Variants in ZPBP observed in about 807,000 individuals in gnomAD.
ZPBP encodes the protein zona pellucida-binding protein 1.
Under a neutral mutation model 44.8 loss-of-function variants are expected in ZPBP, and 26 were observed. That is an observed-to-expected ratio of 0.58 (90% CI 0.43 to 0.81). The LOEUF is 0.81. Among genes scored for constraint, ZPBP ranks in the 30% least tolerant of loss-of-function variants. The pLI, the probability that ZPBP is intolerant of heterozygous loss-of-function variation, is 0.00. For missense variants in ZPBP, 409 were observed against 434.0 expected, an observed-to-expected ratio of 0.94 and a Z score of 0.51; for synonymous variants, 174 against 153.2, an observed-to-expected ratio of 1.14 and a Z score of -1.00.
At chr7:49,858,207 A>G (rs1000815852) in intron 2 of ZPBP, among the ~76,000 whole-genome samples, 24 of 152,182 alleles carry the variant, frequency 1.6e-4, no homozygotes, top group Admixed American at 1.5e-3. Context: ...TTTACTGGGT[A>G]TATACCCAAA....
chr7:49,970,997 T>C (rs958234199), intron 7 of ZPBP, among the ~76,000 whole-genome samples: 8 of 152,232 alleles, frequency 5.3e-5, no homozygotes, highest in African/African-American at 1.7e-4. Flanking sequence ...TGAGCCACGA[T>C]TGTGTCACTG....
chr7:49,937,844 T>C (rs117259918), intron 7 of ZPBP, among the ~76,000 whole-genome samples: 2,513 of 152,294 alleles, frequency 0.017, 242 homozygotes, highest in Admixed American at 0.14. Context: ...TTGGTTTCCA[T>C]GAGTTTCACT....
chr7:49,974,501 C>A (rs1198394066), intron 7 of ZPBP, among the ~76,000 whole-genome samples: 2 of 151,592 alleles, frequency 1.3e-5, no homozygotes, highest in African/African-American at 4.8e-5. Flanking sequence ...GGATAACGAA[C>A]AACATAATAA....
At chr7:49,857,035 A>AAAAAAAAAAAT (rs1790453465) in intron 2 of ZPBP, among the ~76,000 whole-genome samples, 1 of 138,828 alleles carries the variant, frequency 7.2e-6, no homozygotes, top group Non-Finnish European at 1.6e-5. Context: ...AAAAAAAAAA[A>AAAAAAAAAAAT]AAAAAAGACG....
intron 2 of ZPBP, among the ~76,000 whole-genome samples, chr7:49,896,769 T>A (rs1008918517): frequency 6.6e-6 from 1 of 151,726 alleles, no homozygotes; most frequent in African/African-American, 2.4e-5. Flanking sequence ...TCTATGCACA[T>A]AAATTTAACA....
intron 3 of ZPBP, among the ~76,000 whole-genome samples, chr7:50,069,096 C>A (rs974671901): frequency 2.0e-5 from 3 of 152,112 alleles, no homozygotes; most frequent in African/African-American, 4.8e-5. Context: ...ACTTTTTGAG[C>A]CTTTCACTTT....
intron 7 of ZPBP, among the ~76,000 whole-genome samples, chr7:49,972,631 A>C (rs1361945872): frequency 1.6e-4 from 24 of 152,094 alleles, no homozygotes; most frequent in Non-Finnish European, 2.9e-5. Flanking sequence ...GGTAGACTTA[A>C]TATTATTAAG....
intron 6 of ZPBP, 64 bp from the exon 7 acceptor site, chr7:49,983,583 G>C: frequency 7.2e-6 from 7 of 973,102 alleles, no homozygotes; most frequent in Non-Finnish European, 1.1e-5. Context: ...GAACAAATAA[G>C]GATGCATGTG....
At chr7:50,092,964 T>C (rs780414122) in intron 1 of ZPBP, 104 bp downstream of exon 1, 132 of 1,443,820 alleles carry the variant, frequency 9.1e-5, no homozygotes, top group Non-Finnish European at 1.1e-4. Context: ...GAGCAAGGTG[T>C]CTCTATATAA....
At chr7:49,849,198 G>T (rs1790077882), downstream of ZPBP, among the ~76,000 whole-genome samples, 1 of 152,132 alleles carries the variant, frequency 6.6e-6, no homozygotes, top group African/African-American at 2.4e-5. Context: ...CTCGGCTGTG[G>T]GGGGAAACCA....
At chr7:49,861,148 A>T (rs1175622866) in intron 2 of ZPBP, among the ~76,000 whole-genome samples, 1 of 152,148 alleles carries the variant, frequency 6.6e-6, no homozygotes, top group Non-Finnish European at 1.5e-5. Flanking sequence ...ATTTCTCCAC[A>T]TCCTCACCAA....
At chr7:49,937,024 G>A (rs887725090), downstream of ZPBP, among the ~76,000 whole-genome samples, 4 of 152,132 alleles carry the variant, frequency 2.6e-5, no homozygotes, top group South Asian at 2.1e-4. Flanking sequence ...CCACAGGGTG[G>A]TTGGAACTAG....
In ZPBP at chr7:50,089,737, T is replaced by C. The variant is rs371504783; in HGVS notation, c.128-28A>G. The C allele has an allele frequency of 4.9e-4, 759 of 1,537,972 alleles. 7 individuals carry two copies. Among genetic ancestry groups the C allele is most frequent in the Middle Eastern group, 1.3e-3 (7 of 5,372 alleles). On this transcript the variant is annotated intron_variant, in intron 1 of 7. Coordinates refer to ENST00000046087, the MANE Select transcript of ZPBP (RefSeq NM_007009.3). ...ATCAAAAAAAAAGATCAACAATTTG[T>C]CTCATTAGATATTCTAAAATATTCA...
At chr7:50,064,742 C>CT (rs1310194821) in intron 3 of ZPBP, among the ~76,000 whole-genome samples, 3 of 152,140 alleles carry the variant, frequency 2.0e-5, no homozygotes. Flanking sequence ...TTATCCTGTT[C>CT]TTTTTTCAAG....
intron 4 of ZPBP, among the ~76,000 whole-genome samples, chr7:50,048,964 C>A (rs557570671): frequency 6.6e-6 from 1 of 151,808 alleles, no homozygotes; most frequent in Non-Finnish European, 1.5e-5. Flanking sequence ...AGATAGAAGA[C>A]TCAAATTACT....
intron 2 of ZPBP, among the ~76,000 whole-genome samples, chr7:49,872,210 T>A: frequency 6.6e-6 from 1 of 151,990 alleles, no homozygotes; most frequent in East Asian, 1.9e-4. Flanking sequence ...AAGGAGAGAA[T>A]TAGTGACATC....
intron 2 of ZPBP, among the ~76,000 whole-genome samples, chr7:50,086,772 AT>A (rs937217434): frequency 6.6e-6 from 1 of 151,992 alleles, no homozygotes; most frequent in African/African-American, 2.4e-5. Flanking sequence ...GAGAAAAAGA[AT>A]TTTTTTAATA....
At chr7:49,929,341 C>T (rs1794369329) in intron 1 of ZPBP, among the ~76,000 whole-genome samples, 1 of 152,188 alleles carries the variant, frequency 6.6e-6, no homozygotes, top group Non-Finnish European at 1.5e-5. Context: ...GATGATACAA[C>T]ACAACACAAC....
intron 2 of ZPBP, among the ~76,000 whole-genome samples, chr7:49,886,956 ACTTGT>A (rs982188484): frequency 3.3e-5 from 5 of 149,726 alleles, no homozygotes; most frequent in African/African-American, 1.2e-4. Flanking sequence ...TTTTCTTTTG[ACTTGT>A]CTTGTTTGCC....
Sources: gnomAD v4.1 joint callset for allele counts (sites outside exome capture counted in the v4.1 genomes callset) on GRCh38, gnomAD v4.1.1 for gene constraint, MANE v1.5 for transcripts, NCBI Gene and HGNC (gene_info 2026-07-23, HGNC 2026-07-21) for gene names.